The following FLNB variants were observed in gnomAD, a reference collection of about 807,000 sequenced individuals.
FLNB encodes the protein filamin B.
Under a neutral mutation model 250.6 loss-of-function variants are expected in FLNB, and 111 were observed. That is an observed-to-expected ratio of 0.44 (90% confidence interval 0.38 to 0.52). The LOEUF is 0.52. Among genes scored for constraint, FLNB ranks in the 20% least tolerant of loss-of-function variants. The pLI, the probability that FLNB is intolerant of heterozygous loss-of-function variation, is 0.00. For missense variants in FLNB, 2,869 were observed against 3,447.8 expected (o/e 0.83, Z 4.20); for synonymous variants, 1,302 against 1,372.1 (o/e 0.95, Z 1.13).
At chr3:58,079,127 A>G (rs1479245115) in intron 3 of FLNB, among the ~76,000 whole-genome samples, 1 of 152,236 alleles carries the variant, frequency 6.6e-6, no homozygotes, top group Non-Finnish European at 1.5e-5. Flanking sequence ...TTTAAACCCC[A>G]GACTACAAAT....
chr3:58,102,207 C>T lies in FLNB; in HGVS notation c.1350C>T (p.Cys450=), dbSNP rs755965187. 1.9e-6 allele frequency: 3 copies of T among 1,614,190 alleles called. No individual in the cohort carries two copies. Among genetic ancestry groups the T allele is most frequent in the Middle Eastern group, 1.7e-4 (1 of 6,060 alleles). ...ATGTCAAAACTGTGCTTGCAGCCTG[C>T]AATCCAAATGCCTGCCGGGCCAGTG... ...SPFVVQVGEA[C]NPNACRASGR... The change falls in exon 9 of 46, where the codon TGC becomes TGT. Residue 450 remains cysteine (C), a synonymous_variant. Coordinates refer to ENST00000295956, the MANE Select transcript of FLNB (RefSeq NM_001457.4).
chr3:58,138,945 T>C (rs937127555), intron 29 of FLNB, among the ~76,000 whole-genome samples: 1 of 152,258 alleles, frequency 6.6e-6, no homozygotes, highest in Non-Finnish European at 1.5e-5. Flanking sequence ...GATGCTGTTT[T>C]GTTTGGAGAC....
chr3:58,130,623 G>T, intron 24 of FLNB, 118 bp from the exon 25 acceptor site: 1 of 915,634 alleles, frequency 1.1e-6, no homozygotes. Flanking sequence ...GAGGCAGGGG[G>T]AGCTGACCGA....
intron 5 of FLNB, 103 bp from the exon 6 acceptor site, chr3:58,096,038 C>A: frequency 1.2e-6 from 1 of 853,970 alleles, no homozygotes; most frequent in Non-Finnish European, 2.0e-6. Context: ...CCAGCACCTT[C>A]AGTGTTTCCG....
chr3:58,131,342 C>T (rs906528398), intron 25 of FLNB, among the ~76,000 whole-genome samples: 19 of 152,154 alleles, frequency 1.2e-4, no homozygotes, highest in Admixed American at 3.3e-4. Context: ...GCACGTGATA[C>T]GTGGCTTTGT....
At chr3:58,081,554 A>C (rs1270101742) in intron 3 of FLNB, 75 bp from the exon 4 acceptor site, 10 of 1,383,718 alleles carry the variant, frequency 7.2e-6, no homozygotes, top group Non-Finnish European at 1.0e-5. Flanking sequence ...GCTTGGTTTA[A>C]GAGGCATTTG....
At chr3:58,156,837 C>T (rs1441450753) in intron 41 of FLNB, among the ~76,000 whole-genome samples, 2 of 152,140 alleles carry the variant, frequency 1.3e-5, no homozygotes, top group African/African-American at 4.8e-5. Context: ...GCTGAGACTC[C>T]AGGCACGCGC....
chr3:58,049,420 T>C (rs576832154), intron 1 of FLNB, among the ~76,000 whole-genome samples: 1 of 152,234 alleles, frequency 6.6e-6, no homozygotes, highest in South Asian at 2.1e-4. Context: ...CCATGAAGAA[T>C]GTGCCCTTGC....
chr3:58,112,581 G>C (rs1418804187), intron 18 of FLNB, among the ~76,000 whole-genome samples: 1 of 152,234 alleles, frequency 6.6e-6, no homozygotes, highest in Non-Finnish European at 1.5e-5. Flanking sequence ...CATTTTATCA[G>C]AGAAATGCTC....
chr3:58,030,944 C>T (rs1472483904), intron 1 of FLNB, among the ~76,000 whole-genome samples: 1 of 152,146 alleles, frequency 6.6e-6, no homozygotes, highest in African/African-American at 2.4e-5. Flanking sequence ...TGTGTATCCA[C>T]AAAAGTTAAA....
At chr3:58,103,634 A>G (rs1416214382) in intron 9 of FLNB, among the ~76,000 whole-genome samples, 1 of 152,144 alleles carries the variant, frequency 6.6e-6, no homozygotes, top group Non-Finnish European at 1.5e-5. Flanking sequence ...ATTGGGAAAT[A>G]CTGAAATGTG....
At chr3:58,014,586 T>C (rs2097103261) in intron 1 of FLNB, among the ~76,000 whole-genome samples, 1 of 152,230 alleles carries the variant, frequency 6.6e-6, no homozygotes, top group African/African-American at 2.4e-5. Context: ...GGTTTTGTGC[T>C]GTGAGGCAGG....
At chr3:58,073,073 A>G (rs896395614) in intron 1 of FLNB, among the ~76,000 whole-genome samples, 10 of 152,168 alleles carry the variant, frequency 6.6e-5, no homozygotes, top group Non-Finnish European at 1.0e-4. Flanking sequence ...TCATAGCTCC[A>G]TCCAATCCCT....
chr3:58,077,968 T>TAA (rs564501780), intron 2 of FLNB, among the ~76,000 whole-genome samples: 3 of 147,532 alleles, frequency 2.0e-5, no homozygotes, highest in Non-Finnish European at 4.5e-5. Context: ...TTGATTTTAA[T>TAA]AAAAAAAAAA....
chr3:58,142,742 A>G lies in FLNB; in HGVS notation c.5274A>G (p.Gly1758=). Residue 1758 remains glycine, a synonymous_variant, in exon 31 of 46, where the codon GGA becomes GGG. Transcript: ENST00000295956. The surrounding 1 kb of genome is among the most constrained non-coding windows in gnomAD (Gnocchi z 4.3). ...TCATTCCGTTTGCTGTCAGGAAAGG[A>G]GAAATCACTGGTAAGCACTTGCCAT... The part of the protein sequence containing the change: ...DLVIPFAVRK[G]EITGEVHMPS... The G allele has an allele frequency of 1.2e-6, 2 of 1,614,036 alleles. No homozygotes were observed. Among genetic ancestry groups the G allele is most frequent in the Non-Finnish European group, 1.7e-6 (2 of 1,179,872 alleles).
intron 29 of FLNB, 33 bp from the exon 30 acceptor site, chr3:58,141,825 G>A (rs1372510546): frequency 2.5e-6 from 4 of 1,599,484 alleles, no homozygotes; most frequent in Non-Finnish European, 3.4e-6. Flanking sequence ...TTCCAGTATG[G>A]TTCCCAACTA....
intron 1 of FLNB, among the ~76,000 whole-genome samples, chr3:58,062,724 T>C (rs1335413293): frequency 6.6e-6 from 1 of 152,168 alleles, no homozygotes; most frequent in East Asian, 1.9e-4. Context: ...CTTGATTCTA[T>C]CAGCCTTAAT....
chr3:58,091,945 G>A (rs2097228358), intron 4 of FLNB, among the ~76,000 whole-genome samples: 1 of 152,134 alleles, frequency 6.6e-6, no homozygotes, highest in Non-Finnish European at 1.5e-5. Context: ...TGAATATACA[G>A]GCTAAAGACT....
intron 1 of FLNB, among the ~76,000 whole-genome samples, chr3:58,070,721 G>C (rs1416182086): frequency 1.3e-5 from 2 of 148,806 alleles, no homozygotes; most frequent in African/African-American, 5.0e-5. Flanking sequence ...GTGCAGTGGT[G>C]CTATCTTGGC....
Sources: gnomAD v4.1 joint callset for allele counts (sites outside exome capture counted in the v4.1 genomes callset) on GRCh38, gnomAD v4.1.1 for gene constraint, Gnocchi (gnomAD v3.1) non-coding constraint, MANE v1.5 for transcripts, NCBI Gene and HGNC (gene_info 2026-07-23, HGNC 2026-07-21) for gene names.